Variants in SMCO2 observed in about 807,000 individuals in gnomAD.
SMCO2 encodes the protein single-pass membrane and coiled-coil domain-containing protein 2.
SMCO2 carries 25 observed loss-of-function variants against 29.5 expected under a neutral mutation model. That is an observed-to-expected ratio of 0.85 (90% confidence interval 0.62 to 1.18). SMCO2 has a LOEUF of 1.18. Among genes scored for constraint, SMCO2 ranks in the 50% most tolerant of loss-of-function variants. The pLI, the probability that SMCO2 is intolerant of heterozygous loss-of-function variation, is 0.00. For synonymous variants in SMCO2, 117 were observed against 123.3 expected, an observed-to-expected ratio of 0.95 and a Z score of 0.34; for missense variants, 348 against 344.5, an observed-to-expected ratio of 1.01 and a Z score of -0.08.
chr12:27,438,146 G>A, the SMCO2 span, among the ~76,000 whole-genome samples: 1 of 152,164 alleles, frequency 6.6e-6, no homozygotes, highest in Non-Finnish European at 1.5e-5. Context: ...TGGAATGTTA[G>A]TCACTGCAGA....
chr12:27,465,048 A>G (rs113486434), upstream of SMCO2, among the ~76,000 whole-genome samples: 5,772 of 146,020 alleles, frequency 0.04, 135 homozygotes, highest in East Asian at 0.083. Flanking sequence ...AAAAAAAAAA[A>G]AAAGAAAGAA....
intron 6 of SMCO2, among the ~76,000 whole-genome samples, chr12:27,495,433 T>C (rs1365516799): frequency 6.6e-6 from 1 of 150,668 alleles, no homozygotes; most frequent in Non-Finnish European, 1.5e-5. Flanking sequence ...ACATTAATAA[T>C]CTAGTGGTTA....
At chr12:27,474,128 A>G (rs1592205823) in intron 3 of SMCO2, among the ~76,000 whole-genome samples, 1 of 152,174 alleles carries the variant, frequency 6.6e-6, no homozygotes, top group Non-Finnish European at 1.5e-5. Context: ...CATTGGCTTT[A>G]TCTTTGTGTA....
At position 27,484,871 on chromosome 12, in the gene SMCO2, A is replaced by ATATATAT. The variant is rs1491516023; in HGVS notation, c.363-3589_363-3588insTATATAT. Reference sequence around the variant, plus strand: ...CATCTCAAAAAAAAAAAAAAAAAAAAATATATATATATATATATATATAGT... The same window carrying ATATATAT: ...CATCTCAAAAAAAAAAAAAAAAAAAATATATATATATATATATATATATATATATAGT... On this transcript the variant is annotated intron_variant, in intron 4 of 7. Transcript: ENST00000298876. Among the ~76,000 whole-genome samples the ATATATAT allele has an allele frequency of 6.5e-5, 5 of 77,212 alleles. No homozygotes were observed. In the South Asian group the frequency reaches 2.4e-3, roughly 37 times the overall value. 50.7% of individuals were successfully genotyped at this position (77,212 alleles called of 152,430 possible).
At chr12:27,453,536 A>C in the SMCO2 span, among the ~76,000 whole-genome samples, 1 of 152,340 alleles carries the variant, frequency 6.6e-6, no homozygotes, top group East Asian at 1.9e-4. Context: ...GCAGAATTTC[A>C]AAAATGCCTG....
the SMCO2 span, among the ~76,000 whole-genome samples, chr12:27,428,775 C>T: frequency 2.0e-5 from 3 of 148,044 alleles, no homozygotes; most frequent in African/African-American, 7.5e-5. Flanking sequence ...AGGAGGAAAC[C>T]TGTTACATTT....
At chr12:27,443,914 T>C in the SMCO2 span, among the ~76,000 whole-genome samples, 1 of 152,214 alleles carries the variant, frequency 6.6e-6, no homozygotes, top group Non-Finnish European at 1.5e-5. Flanking sequence ...AATTTACAGA[T>C]TCAATGCAAT....
In SMCO2 at chr12:27,501,907, T is replaced by C. The variant is rs1327031100; in HGVS notation, c.684-16T>C. On this transcript the variant is annotated splice_polypyrimidine_tract_variant and intron_variant, in intron 7 of 7. Coordinates refer to ENST00000298876, the Ensembl canonical transcript of SMCO2. ...TTTCAGAATTTGGTTAACACAGATG[T>C]TTTCTCTCTTTGTAGGAAACGTGCA... The C allele has an allele frequency of 1.3e-6, 2 of 1,503,784 alleles. No individual in the cohort carries two copies. Among genetic ancestry groups the C allele is most frequent in the Admixed American group, 4.4e-5 (2 of 45,836 alleles). The allele number at this position is 1,503,784 out of a possible 1,614,324, so 93.2% of individuals were successfully genotyped here.
intron 1 of SMCO2, among the ~76,000 whole-genome samples, chr12:27,469,667 T>G (rs1355122415): frequency 6.6e-6 from 1 of 152,224 alleles, no homozygotes; most frequent in African/African-American, 2.4e-5. Context: ...GGTGTCTTCC[T>G]GTTTAGCCTG....
chr12:27,446,520 C>T, the SMCO2 span: 1 of 152,180 alleles, frequency 6.6e-6, no homozygotes, highest in East Asian at 1.9e-4. Flanking sequence ...TGGATCAATC[C>T]CTGACAAAAC....
chr12:27,446,979 G>C, the SMCO2 span, among the ~76,000 whole-genome samples: 1 of 152,226 alleles, frequency 6.6e-6, no homozygotes, highest in Non-Finnish European at 1.5e-5. Context: ...GCTGAGCATT[G>C]GCATTTTATA....
chr12:27,463,669 G>A (rs1354408216), upstream of SMCO2, among the ~76,000 whole-genome samples: 1 of 152,196 alleles, frequency 6.6e-6, no homozygotes, highest in Admixed American at 6.5e-5. Context: ...AGAAACAAAT[G>A]CACTGTTCCC....
chr12:27,469,357 C>G (rs1251342027), intron 1 of SMCO2, among the ~76,000 whole-genome samples: 1 of 152,172 alleles, frequency 6.6e-6, no homozygotes, highest in African/African-American at 2.4e-5. Context: ...GCTTCTCTTT[C>G]ACAGGGGCCC....
rs756914465 is a variant in SMCO2 at position 27,502,130 on chromosome 12, A to AAGTTAC, written c.*10_*15dup. 1.4e-5 allele frequency: 21 copies of AAGTTAC among 1,515,842 alleles called. No individual in the cohort carries two copies. The South Asian group carries it at 2.6e-4, about 19-fold the overall frequency. 93.9% of individuals were successfully genotyped at this position (1,515,842 alleles called of 1,614,324 possible). A position where few individuals can be genotyped will look rare whatever the true frequency, so the allele number is the denominator to read the frequency against. ...CCTTGTTACCCTCCTAAAGATACAG[A>AAGTTAC]AGTTACTGTCACCCTACTGACTTTC... On this transcript the variant is annotated 3_prime_UTR_variant, in exon 8 of 8. Coordinates refer to ENST00000298876, the Ensembl canonical transcript of SMCO2.
the SMCO2 span, among the ~76,000 whole-genome samples, chr12:27,454,109 C>T: frequency 2.0e-5 from 3 of 152,088 alleles, no homozygotes; most frequent in African/African-American, 7.2e-5. Flanking sequence ...CTCAGCTTCC[C>T]GAGTAGCTGG....
chr12:27,478,368 T>C (rs73088323), intron 4 of SMCO2, among the ~76,000 whole-genome samples: 7,923 of 152,082 alleles, frequency 0.052, 270 homozygotes, highest in East Asian at 0.11. Flanking sequence ...TGGTGGTTAG[T>C]CTGGGTGGGC....
At chr12:27,433,540 C>CAT in the SMCO2 span, among the ~76,000 whole-genome samples, 3 of 125,746 alleles carry the variant, frequency 2.4e-5, no homozygotes, top group Admixed American at 7.9e-5. Context: ...CACACACACA[C>CAT]ACATATATCA....
upstream of SMCO2, among the ~76,000 whole-genome samples, chr12:27,465,052 GAAAGA>G (rs1323120788): frequency 1.5e-5 from 2 of 131,016 alleles, no homozygotes; most frequent in African/African-American, 2.9e-5. Context: ...AAAAAAAAAA[GAAAGA>G]AAAGAAAAGA....
chr12:27,472,874 A>T, exon 3 of SMCO2: 4 of 1,549,462 alleles, frequency 2.6e-6, no homozygotes, highest in Non-Finnish European at 3.5e-6. Flanking sequence ...TTCCTTCACA[A>T]GGTAGACACT....
Sources: gnomAD v4.1 joint callset for allele counts (sites outside exome capture counted in the v4.1 genomes callset) on GRCh38, gnomAD v4.1.1 for gene constraint, MANE v1.5 for transcripts, NCBI Gene and HGNC (gene_info 2026-07-23, HGNC 2026-07-21) for gene names.